Variants in CCZ1 observed in about 807,000 individuals in gnomAD.
CCZ1 encodes the protein CCZ1 vacuolar protein trafficking and biogenesis associated.
CCZ1 carries 19 observed loss-of-function variants against 57.8 expected under a neutral mutation model. The ratio of observed to expected loss-of-function variants is 0.33; its 90% CI spans 0.23 to 0.48. The LOEUF (loss-of-function observed/expected upper bound fraction) is 0.48, where lower values mean the gene tolerates loss of function less well. Among genes scored for constraint, CCZ1 ranks in the 20% least tolerant of loss-of-function variants. The pLI is 0.99. For synonymous variants in CCZ1, 81 were observed against 167.0 expected (o/e 0.49, Z 3.97); for missense variants, 200 against 492.0 (o/e 0.41, Z 5.61).
intron 14 of CCZ1, among the ~76,000 whole-genome samples, chr7:5,924,234 C>CT (rs1177283253): frequency 5.4e-5 from 4 of 73,726 alleles, no homozygotes; most frequent in East Asian, 5.5e-4. Context: ...AAATGTCCCC[C>CT]TTTTTTTGGA....
intron 12 of CCZ1, among the ~76,000 whole-genome samples, chr7:5,920,742 G>C (rs1404814522): frequency 1.5e-5 from 2 of 130,802 alleles, no homozygotes; most frequent in Non-Finnish European, 3.4e-5. Flanking sequence ...AAAGTGCTGG[G>C]ATTACAGGTG....
chr7:5,916,766 G>A (rs1364443067), intron 10 of CCZ1, among the ~76,000 whole-genome samples: 5 of 144,398 alleles, frequency 3.5e-5, no homozygotes, highest in Admixed American at 1.3e-4. Flanking sequence ...CAGAGGTGGA[G>A]CGGGTGCTGT....
intron 1 of CCZ1, among the ~76,000 whole-genome samples, chr7:5,899,425 C>T (rs1180230876): frequency 2.2e-5 from 3 of 137,512 alleles, no homozygotes; most frequent in East Asian, 2.2e-4. Context: ...AAAGGATGTC[C>T]GGAGCTGTGT....
chr7:5,915,334 T>C (rs2128613688), intron 10 of CCZ1, among the ~76,000 whole-genome samples: 1 of 147,134 alleles, frequency 6.8e-6, no homozygotes, highest in East Asian at 2.1e-4. Flanking sequence ...TGTCCGTTTG[T>C]GTATCGAGTG....
In CCZ1 at chr7:5,900,435, G is replaced by A. The variant is rs374188325; in HGVS notation, c.219-38G>A. The A allele has an allele frequency of 2.3e-4, 364 of 1,583,562 alleles. 18 individuals are homozygous for A. The African/African-American group carries it at 4.5e-3, about 20-fold the overall frequency. On this transcript the variant is annotated intron_variant, in intron 2 of 14. Transcript: ENST00000325974. ...TCAGTGAATTCTTAAAACTGCTGCT[G>A]GAGAATTGTCCCAAACATATTTTTT... is the stretch of plus-strand genomic sequence containing the variant.
chr7:5,900,706 A>C, intron 3 of CCZ1, 140 bp downstream of exon 3: 1 of 1,452,708 alleles, frequency 6.9e-7, no homozygotes, highest in Non-Finnish European at 9.2e-7. Flanking sequence ...TTTAAAATCA[A>C]GTTCTTCCTA....
chr7:5,906,879 TG>T (rs1157552403), intron 7 of CCZ1, among the ~76,000 whole-genome samples: 1 of 150,834 alleles, frequency 6.6e-6, no homozygotes, highest in Non-Finnish European at 1.5e-5. Context: ...CTTTTTTTTT[TG>T]TTTTTGAGAT....
intron 6 of CCZ1, among the ~76,000 whole-genome samples, chr7:5,903,701 A>G (rs1443466420): frequency 6.8e-6 from 1 of 147,034 alleles, no homozygotes; most frequent in East Asian, 2.3e-4. Flanking sequence ...TTAGTATAAG[A>G]TGGCACTCTT....
At chr7:5,912,402 TTTTTTTTTGA>T in intron 9 of CCZ1, among the ~76,000 whole-genome samples, 1 of 43,600 alleles carries the variant, frequency 2.3e-5, no homozygotes, top group African/African-American at 1.2e-4. Context: ...TTTTTTTTTT[TTTTTTTTTGA>T]GATGGAGTGT....
At chr7:5,916,498 G>GTTTTTTTTT (rs764065119) in intron 10 of CCZ1, among the ~76,000 whole-genome samples, 1 of 111,012 alleles carries the variant, frequency 9.0e-6, no homozygotes, top group Non-Finnish European at 1.9e-5. Flanking sequence ...TTTTTGTTTT[G>GTTTTTTTTT]TTTTTTGTTT....
At chr7:5,912,374 AC>A (rs529468296) in intron 9 of CCZ1, among the ~76,000 whole-genome samples, 89 of 97,272 alleles carry the variant, frequency 9.1e-4, no homozygotes, top group African/African-American at 1.5e-3. Context: ...ACTTCAGCAT[AC>A]CCTTTTTTTT....
At chr7:5,914,837 C>G (rs1263688136) in intron 10 of CCZ1, among the ~76,000 whole-genome samples, 1 of 140,372 alleles carries the variant, frequency 7.1e-6, no homozygotes, top group African/African-American at 2.7e-5. Flanking sequence ...GCTTACGCCA[C>G]TGTGCTCCAG....
chr7:5,910,594 G>A (rs2108072), intron 8 of CCZ1, among the ~76,000 whole-genome samples: 24,691 of 131,784 alleles, frequency 0.19, 3,891 homozygotes, highest in Admixed American at 0.35. Flanking sequence ...CCAAAGTGCT[G>A]GGATTACAGG....
In CCZ1 at chr7:5,915,215, C is replaced by A. The variant is rs974266078; in HGVS notation, c.954+2261C>A. Among the ~76,000 whole-genome samples, 3 of 149,396 alleles carry A rather than the reference C, an allele frequency of 2.0e-5. No individual in the cohort carries two copies. The South Asian group carries it at 6.3e-4, about 31-fold the overall frequency. On this transcript the variant is annotated intron_variant, in intron 10 of 14. Coordinates refer to ENST00000325974, the MANE Select transcript of CCZ1 (RefSeq NM_015622.6). Reference sequence around the variant, plus strand: ...TCACTTAAAGTTGGGCTGTGACAGACTGGCAGGGAAGGGGAGATTGCAGGA... The same window carrying A: ...TCACTTAAAGTTGGGCTGTGACAGAATGGCAGGGAAGGGGAGATTGCAGGA...
chr7:5,903,954 G>T (rs548449392), intron 6 of CCZ1, among the ~76,000 whole-genome samples: 1 of 140,004 alleles, frequency 7.1e-6, no homozygotes, highest in East Asian at 2.6e-4. Context: ...AGATCACACC[G>T]CTGCACTCCA....
intron 9 of CCZ1, among the ~76,000 whole-genome samples, chr7:5,912,349 A>G (rs532423843): frequency 6.0e-4 from 78 of 130,188 alleles, no homozygotes; most frequent in South Asian, 2.1e-3. Flanking sequence ...TGTTGTTTCC[A>G]ATGAGTTAAA....
chr7:5,904,785 C>T (rs1330934964), intron 6 of CCZ1, among the ~76,000 whole-genome samples: 2 of 147,796 alleles, frequency 1.4e-5, no homozygotes, highest in Non-Finnish European at 3.0e-5. Flanking sequence ...GAGCTGAGAT[C>T]GCACCACTGC....
intron 7 of CCZ1, among the ~76,000 whole-genome samples, chr7:5,908,168 A>C (rs1781879533): frequency 3.5e-5 from 5 of 143,900 alleles, no homozygotes; most frequent in Admixed American, 2.7e-4. Context: ...TATATTAAAT[A>C]CCAAAAAGAC....
chr7:5,907,785 G>A (rs1263120587), intron 7 of CCZ1, among the ~76,000 whole-genome samples: 1 of 97,342 alleles, frequency 1.0e-5, no homozygotes, highest in African/African-American at 4.0e-5. Flanking sequence ...GTCAGTCCCA[G>A]GAAGTAGCAA....
Sources: gnomAD v4.1 joint callset for allele counts (sites outside exome capture counted in the v4.1 genomes callset) on GRCh38, gnomAD v4.1.1 for gene constraint, MANE v1.5 for transcripts, NCBI Gene and HGNC (gene_info 2026-07-23, HGNC 2026-07-21) for gene names.